COPA: variants seen among roughly 807,000 people sequenced by gnomAD.
COPA encodes the protein coatomer subunit alpha.
Under a neutral mutation model 158.7 loss-of-function variants are expected in COPA, and 10 were observed. The observed-to-expected ratio is 0.06, with a 90% CI of 0.04 to 0.11. The LOEUF (loss-of-function observed/expected upper bound fraction) is 0.11. Among genes scored for constraint, COPA ranks in the 10% least tolerant of loss-of-function variants. The probability of loss-of-function intolerance (pLI) is 1.00; values close to 1 mark genes in which losing one functional copy is unlikely to be tolerated. For synonymous variants in COPA, 462 were observed against 542.8 expected, an observed-to-expected ratio of 0.85 and a Z score of 2.07; for missense variants, 1,065 against 1,536.7, an observed-to-expected ratio of 0.69 and a Z score of 5.13.
At position 160,290,618 on chromosome 1, in the gene COPA, G is replaced by T; in HGVS notation, c.3489C>A (p.His1163Gln). The change falls in exon 32 of 33, where the codon CAC becomes CAA. Residue 1163 changes from histidine to glutamine, a missense_variant. Around this residue, in one of 2 missense-constraint regions of COPA, gnomAD observed 980 missense variants for 1,357.8 expected, o/e 0.72. Transcript: ENST00000241704. ...TDAYQLNYDMHNPFDICAASY... is the reference protein window; with the variant it reads ...TDAYQLNYDMQNPFDICAASY... ...ATGCAGCACAAATGTCAAAGGGGTT[G>T]TGCATGTCATAATTGAGCTGGTAGG... is the stretch of plus-strand genomic sequence containing the variant. 6.2e-7 allele frequency: 1 copy of T among 1,614,196 alleles called. No homozygotes were observed. The highest frequency in any genetic ancestry group is 8.5e-7 in the Non-Finnish European group (1 of 1,180,040).
At chr1:160,307,123 A>C in intron 14 of COPA, 40 bp downstream of exon 14, 1 of 1,597,286 alleles carries the variant, frequency 6.3e-7, no homozygotes, top group South Asian at 1.1e-5. Flanking sequence ...CACTGCCACC[A>C]CACTCCCCAA....
chr1:160,290,690 G>A lies in COPA; in HGVS notation c.3421-4C>T. 1.2e-6 allele frequency: 2 copies of A among 1,613,782 alleles called. No homozygotes were observed. The highest frequency in any genetic ancestry group is 1.7e-6 in the Non-Finnish European group (2 of 1,179,846). On this transcript the variant is annotated splice_region_variant and splice_polypyrimidine_tract_variant and intron_variant, in intron 31 of 32. Transcript: ENST00000241704. Reference sequence around the variant, plus strand: ...AGGCAGACAGGATTTTTCGGGTCTAGGGGAAGGAAGGAGTATTTAGGAGGA... The same window carrying A: ...AGGCAGACAGGATTTTTCGGGTCTAAGGGAAGGAAGGAGTATTTAGGAGGA...
intron 27 of COPA, 98 bp downstream of exon 27, chr1:160,293,068 C>T (rs927059922): frequency 9.7e-5 from 118 of 1,212,524 alleles, no homozygotes; most frequent in Non-Finnish European, 1.2e-5. Context: ...CACCTTTCCC[C>T]TTATGGGTAG....
At chr1:160,294,437 A>T (rs1658335707) in intron 25 of COPA, 47 bp downstream of exon 25, 1 of 1,540,806 alleles carries the variant, frequency 6.5e-7, no homozygotes. Flanking sequence ...TCTGGCTTCC[A>T]CAGGGAGATA....
intron 17 of COPA, among the ~76,000 whole-genome samples, chr1:160,303,141 G>A (rs989740787): frequency 2.0e-5 from 3 of 152,160 alleles, no homozygotes; most frequent in African/African-American, 7.2e-5. Context: ...AGAGGTTGCA[G>A]TGAGCCAAGA....
At chr1:160,327,117 T>A (rs948293519) in intron 6 of COPA, among the ~76,000 whole-genome samples, 1 of 152,130 alleles carries the variant, frequency 6.6e-6, no homozygotes, top group Middle Eastern at 3.2e-3. Flanking sequence ...AAAAAAAGAA[T>A]TGAGACTAAA....
chr1:160,296,886 T>C (rs1175601790), intron 21 of COPA, among the ~76,000 whole-genome samples: 1 of 152,188 alleles, frequency 6.6e-6, no homozygotes, highest in Non-Finnish European at 1.5e-5. Flanking sequence ...CCTCCACTAA[T>C]AGCGCCTTGG....
At chr1:160,297,811 CA>C in intron 19 of COPA, 66 bp from the exon 20 acceptor site, 1 of 1,494,376 alleles carries the variant, frequency 6.7e-7, no homozygotes, top group South Asian at 1.2e-5. Flanking sequence ...AAGGACTCTG[CA>C]AAGCATCTGC....
chr1:160,294,008 G>C (rs1203578219), intron 25 of COPA, among the ~76,000 whole-genome samples: 1 of 152,184 alleles, frequency 6.6e-6, no homozygotes, highest in Non-Finnish European at 1.5e-5. Context: ...AGCTGCTGCT[G>C]GCAGAACGCT....
intron 8 of COPA, among the ~76,000 whole-genome samples, chr1:160,314,929 G>T (rs1191328900): frequency 1.3e-5 from 2 of 152,012 alleles, no homozygotes; most frequent in Non-Finnish European, 2.9e-5. Flanking sequence ...CAAAATAAGG[G>T]TACCACCACA....
intron 9 of COPA, 76 bp downstream of exon 9, chr1:160,313,914 A>G: frequency 7.5e-7 from 1 of 1,331,956 alleles, no homozygotes; most frequent in Non-Finnish European, 1.0e-6. Flanking sequence ...ATGATGAGAG[A>G]CATAAAGAAG....
At chr1:160,315,998 ACT>A (rs766840124) in intron 8 of COPA, among the ~76,000 whole-genome samples, 3 of 152,214 alleles carry the variant, frequency 2.0e-5, no homozygotes, top group Non-Finnish European at 2.9e-5. Flanking sequence ...CTCATTAGAG[ACT>A]CTGAATAGCA....
chr1:160,307,779 C>G (rs1000476484), intron 13 of COPA, among the ~76,000 whole-genome samples: 1 of 152,230 alleles, frequency 6.6e-6, no homozygotes, highest in Non-Finnish European at 1.5e-5. Flanking sequence ...CCATTCTTAT[C>G]ACCCTGAAGA....
chr1:160,320,516 G>C (rs1430217455), intron 8 of COPA, among the ~76,000 whole-genome samples: 2 of 145,114 alleles, frequency 1.4e-5, no homozygotes, highest in African/African-American at 5.2e-5. Context: ...GGCTGAGGCA[G>C]GAGAATTGTT....
In COPA at chr1:160,295,868, T is replaced by C; in HGVS notation, c.2353-9A>G. On this transcript the variant is annotated splice_polypyrimidine_tract_variant and intron_variant, in intron 22 of 32. Coordinates refer to ENST00000241704, the MANE Select transcript of COPA (RefSeq NM_004371.4). Reference sequence around the variant, plus strand: ...GGGTCAATGTCTGGGATCTGAATAGTAGAAGAAAAGAGGCTAAAAACAAAT... The same window carrying C: ...GGGTCAATGTCTGGGATCTGAATAGCAGAAGAAAAGAGGCTAAAAACAAAT... 1.3e-6 allele frequency: 2 copies of C among 1,597,870 alleles called. No individual in the cohort carries two copies. Among genetic ancestry groups the C allele is most frequent in the South Asian group, 1.1e-5 (1 of 87,784 alleles).
At chr1:160,323,345 T>G in intron 8 of COPA, 86 bp downstream of exon 8, 1 of 949,882 alleles carries the variant, frequency 1.1e-6, no homozygotes, top group East Asian at 2.8e-5. Flanking sequence ...GGTAGAAAAA[T>G]AGGTCAGAGT....
chr1:160,292,856 T>A lies in COPA; in HGVS notation c.2824-236A>T, dbSNP rs556953043. ...AGTGTTATCATTATTGTTGTTATTA[T>A]AACAATACTGGCTTAGTGTTCAAAA... On this transcript the variant is annotated intron_variant, in intron 27 of 32. Coordinates refer to ENST00000241704, the MANE Select transcript of COPA (RefSeq NM_004371.4). Among the ~76,000 whole-genome samples the A allele has an allele frequency of 4.6e-5, 7 of 152,278 alleles. No homozygotes were observed. In the South Asian group the frequency reaches 1.5e-3, roughly 32 times the overall value.
At chr1:160,293,493 G>GT (rs1305811969) in intron 25 of COPA, 30 bp from the exon 26 acceptor site, 1 of 1,491,884 alleles carries the variant, frequency 6.7e-7, no homozygotes, top group Non-Finnish European at 9.0e-7. Flanking sequence ...TGAGTATTGA[G>GT]TAATTTTTTT....
chr1:160,332,614 AACTAAATACC>A lies in COPA; in HGVS notation c.387-67_387-58del. 2.5e-6 allele frequency: 3 copies of A among 1,194,212 alleles called. No homozygotes were observed. In the African/African-American group the frequency reaches 4.6e-5, roughly 18 times the overall value. The allele number at this position is 1,194,212 out of a possible 1,614,324, so 74.0% of individuals were successfully genotyped here. ...AGAGGTGGAAGTCAACAGACTCCTA[AACTAAATACC>A]TTTCTCCATATTCAATAAATGCTTA... On this transcript the variant is annotated intron_variant, in intron 5 of 32. Transcript: ENST00000241704.
Sources: allele counts gnomAD v4.1 joint callset (sites outside exome capture counted in the v4.1 genomes callset), GRCh38; gene constraint gnomAD v4.1.1; regional missense constraint gnomAD v4.1.1; transcripts MANE v1.5; gene names NCBI Gene and HGNC (gene_info 2026-07-23, HGNC 2026-07-21).